The following PEPD variants were observed in gnomAD, a reference collection of about 807,000 sequenced individuals.
PEPD encodes peptidase D, also known as xaa-Pro dipeptidase.
A neutral mutation model predicts 60.7 loss-of-function variants in PEPD; 53 were observed. The ratio of observed to expected loss-of-function variants is 0.87; its 90% CI spans 0.70 to 1.10. The LOEUF is 1.10. Among genes scored for constraint, PEPD ranks in the 50% least tolerant of loss-of-function variants. The probability of loss-of-function intolerance (pLI) is 0.00; values close to 1 mark genes in which losing one functional copy is unlikely to be tolerated. For missense variants in PEPD, 711 were observed against 711.9 expected (o/e 1.00, Z 0.01); for synonymous variants, 267 against 284.1 (o/e 0.94, Z 0.60).
chr19:33,503,240 C>T (rs1298108103), intron 3 of PEPD, among the ~76,000 whole-genome samples: 1 of 152,222 alleles, frequency 6.6e-6, no homozygotes, highest in Non-Finnish European at 1.5e-5. Context: ...ACAAGGAGCA[C>T]TGAGGGCCCG....
intron 12 of PEPD, among the ~76,000 whole-genome samples, chr19:33,394,637 G>A (rs1968322007): frequency 6.6e-6 from 1 of 152,214 alleles, no homozygotes; most frequent in Non-Finnish European, 1.5e-5. Context: ...CACTAGGCTG[G>A]CAGGGTGGGC....
intron 7 of PEPD, among the ~76,000 whole-genome samples, chr19:33,465,922 T>G (rs774392613): frequency 3.9e-5 from 6 of 151,966 alleles, no homozygotes; most frequent in Non-Finnish European, 8.8e-5. Flanking sequence ...TACTTAAGGA[T>G]GTACTCCAGC....
chr19:33,490,958 C>T (rs1385469530), intron 5 of PEPD, among the ~76,000 whole-genome samples: 3 of 152,050 alleles, frequency 2.0e-5, no homozygotes. Flanking sequence ...CCACTATGCC[C>T]AGCCTGGGCA....
chr19:33,503,526 G>A (rs534247663), intron 3 of PEPD, among the ~76,000 whole-genome samples: 12 of 152,236 alleles, frequency 7.9e-5, no homozygotes, highest in Non-Finnish European at 1.3e-4. Context: ...GGCCCCAGAC[G>A]CAGGGCTTAT....
chr19:33,445,051 T>C (rs551787147), intron 9 of PEPD, among the ~76,000 whole-genome samples: 1 of 152,324 alleles, frequency 6.6e-6, no homozygotes, highest in South Asian at 2.1e-4. Flanking sequence ...GTTCAAATCC[T>C]GCCTCCCCCT....
At position 33,499,303 on chromosome 19, in the gene PEPD, G is replaced by T. The variant is rs112770196; in HGVS notation, c.393+1635C>A. 1.3e-4 allele frequency among the ~76,000 whole-genome samples: 20 copies of T among 152,288 alleles called. 2 individuals carry two copies. The highest frequency in any genetic ancestry group is 4.8e-4 in the African/African-American group (20 of 41,560). On this transcript the variant is annotated intron_variant, in intron 4 of 14. Coordinates refer to ENST00000244137, the MANE Select transcript of PEPD (RefSeq NM_000285.4). ...CTCTCCACAGTCCAACCAGGCAGAA[G>T]ATGCTGTAGAGACAGGCCCCCGTGG... is the stretch of plus-strand genomic sequence containing the variant.
At chr19:33,448,790 T>C (rs1423779979) in intron 9 of PEPD, among the ~76,000 whole-genome samples, 2 of 152,166 alleles carry the variant, frequency 1.3e-5, no homozygotes, top group Non-Finnish European at 2.9e-5. Context: ...AGCCCACGGT[T>C]ACCAGCTACT....
chr19:33,387,795 G>T, intron 14 of PEPD, 95 bp downstream of exon 14: 1 of 1,080,242 alleles, frequency 9.3e-7, no homozygotes, highest in Non-Finnish European at 1.4e-6. Context: ...AAGGGAAGAT[G>T]TCACTAGGGC....
Position 33,507,876 on chromosome 19 carries a change from C to T in PEPD, c.329+3152G>A, listed in dbSNP as rs533501220. Among the ~76,000 whole-genome samples, 143 of 152,226 alleles carry T rather than the reference C, an allele frequency of 9.4e-4. 1 individual carries two copies. Among genetic ancestry groups the T allele is most frequent in the Non-Finnish European group, 1.9e-3 (127 of 68,010 alleles). On this transcript the variant is annotated intron_variant, in intron 3 of 14. Transcript: ENST00000244137. The stretch of plus-strand genomic sequence containing the variant: ...ACAGGGTCACTCCAGGACAGTGGAA[C>T]GGAGAGGCCTGCTCGGGGTGGCTGT...
chr19:33,493,925 G>A (rs886490039), intron 4 of PEPD, among the ~76,000 whole-genome samples: 6 of 152,000 alleles, frequency 3.9e-5, no homozygotes, highest in Non-Finnish European at 8.8e-5. Context: ...TCTGCATGCC[G>A]GGCCAGCTCC....
intron 13 of PEPD, chr19:33,389,085 C>G (rs1226893049): frequency 6.6e-6 from 1 of 152,404 alleles, no homozygotes; most frequent in Non-Finnish European, 1.5e-5. Context: ...GTTTGGGGGC[C>G]AAGAACATCA....
At chr19:33,420,382 G>T (rs1968986969) in intron 9 of PEPD, among the ~76,000 whole-genome samples, 1 of 152,058 alleles carries the variant, frequency 6.6e-6, no homozygotes. Context: ...TATAAACACA[G>T]ATTAATATTT....
rs529315200 is a variant in PEPD at position 33,391,470 on chromosome 19, C to T, written c.977G>A (p.Trp326Ter). Residue 326 changes from tryptophan (W) to a stop codon, truncating the protein, a stop_gained, in exon 13 of 15, where the codon TGG becomes TAG. Transcript: ENST00000244137. LOFTEE classifies it high-confidence loss of function. ...GTCAGCCAGGCGGTGCATGTCAGGC[C>T]ACCAGACACCTGTGGGCCAGAGGGA... ...VMGAMKPGVWWPDMHRLADRI... is the reference protein window; with the variant it reads ...VMGAMKPGVW The T allele has an allele frequency of 9.7e-5, 150 of 1,550,402 alleles. No individual in the cohort carries two copies. The highest frequency in any genetic ancestry group is 1.2e-4 in the Non-Finnish European group (143 of 1,147,398).
At chr19:33,418,444 T>G (rs1968937680) in intron 9 of PEPD, among the ~76,000 whole-genome samples, 1 of 152,216 alleles carries the variant, frequency 6.6e-6, no homozygotes, top group Non-Finnish European at 1.5e-5. Context: ...TTTCTACCAG[T>G]GGAGCCCTGG....
intron 9 of PEPD, among the ~76,000 whole-genome samples, chr19:33,426,719 G>A (rs763400711): frequency 6.6e-6 from 1 of 152,250 alleles, no homozygotes; most frequent in Non-Finnish European, 1.5e-5. Context: ...AGGCTGGAGG[G>A]AACCAGGAGG....
chr19:33,476,695 G>A (rs760073672), intron 7 of PEPD, among the ~76,000 whole-genome samples: 1 of 151,980 alleles, frequency 6.6e-6, no homozygotes, highest in Non-Finnish European at 1.5e-5. Context: ...ACAGAGTCTT[G>A]CTCTGTCGCC....
intron 7 of PEPD, 136 bp downstream of exon 7, chr19:33,477,910 A>G (rs1970248148): frequency 4.4e-6 from 3 of 680,756 alleles, no homozygotes; most frequent in Non-Finnish European, 8.2e-6. Context: ...GCAAAACAGA[A>G]AAGGCTATGG....
At chr19:33,470,461 C>T (rs1970102164) in intron 7 of PEPD, among the ~76,000 whole-genome samples, 1 of 152,132 alleles carries the variant, frequency 6.6e-6, no homozygotes, top group African/African-American at 2.4e-5. Context: ...CTCTAGCACC[C>T]ACCCGAAACA....
intron 12 of PEPD, chr19:33,395,008 C>T (rs1968328509): frequency 6.6e-6 from 1 of 152,288 alleles, no homozygotes; most frequent in African/African-American, 2.4e-5. Context: ...CCGGACGAAG[C>T]CCAGGTTCTC....
Sources: allele counts gnomAD v4.1 joint callset (sites outside exome capture counted in the v4.1 genomes callset), GRCh38; gene constraint gnomAD v4.1.1; transcripts MANE v1.5; gene names NCBI Gene and HGNC (gene_info 2026-07-23, HGNC 2026-07-21).